The following GCNT2 variants were observed in gnomAD, a reference collection of about 807,000 sequenced individuals.
GCNT2 encodes glucosaminyl (N-acetyl) transferase 2 (I blood group), also known as N-acetyllactosaminide beta-1,6-N-acetylglucosaminyl-transferase.
A neutral mutation model predicts 34.2 loss-of-function variants in GCNT2; 34 were observed. The ratio of observed to expected loss-of-function variants is 1.00; its 90% CI spans 0.76 to 1.32. GCNT2 has a LOEUF of 1.32. Ranked by LOEUF, GCNT2 falls within the 40% of genes most tolerant of loss-of-function variation. GCNT2 has a pLI of 0.00. For missense variants in GCNT2, 584 were observed against 489.4 expected, an observed-to-expected ratio of 1.19 and a Z score of -1.82; for synonymous variants, 212 against 188.0, an observed-to-expected ratio of 1.13 and a Z score of -1.04.
intron 3 of GCNT2, among the ~76,000 whole-genome samples, chr6:10,567,329 T>C (rs2127392176): frequency 6.6e-6 from 1 of 152,222 alleles, no homozygotes; most frequent in East Asian, 1.9e-4. Flanking sequence ...TGGTGGCACA[T>C]GTCTGTGGTA....
At chr6:10,610,078 G>A (rs73721325) in intron 3 of GCNT2, among the ~76,000 whole-genome samples, 19,759 of 152,220 alleles carry the variant, frequency 0.13, 2,078 homozygotes, top group African/African-American at 0.29. Flanking sequence ...GGCAATTACA[G>A]TCTTCTTGAT....
In GCNT2 at chr6:10,529,552, A is replaced by G; in HGVS notation, c.641A>G (p.Asn214Ser). 1 of 1,614,192 alleles carries G rather than the reference A, an allele frequency of 6.2e-7. No homozygotes were observed. The highest frequency in any genetic ancestry group is 2.2e-5 in the East Asian group (1 of 44,892). The stretch of plus-strand genomic sequence containing the variant: ...TATCTGAAGGGATTTAAAGGGAAAA[A>G]TATCACCCCCGGAGTGCTGCCTCCT... Reference protein sequence around the residue: ...VQYLKGFKGKNITPGVLPPDH... With the variant: ...VQYLKGFKGKSITPGVLPPDH... The change falls in exon 3 of 5, where the codon AAT becomes AGT. Residue 214 changes from asparagine to serine, a missense_variant. Physicochemically the swap from Asn to Ser is conservative, Grantham distance 46. Transcript: ENST00000495262.
chr6:10,547,252 C>G (rs746803060), intron 3 of GCNT2, among the ~76,000 whole-genome samples: 1 of 152,176 alleles, frequency 6.6e-6, no homozygotes, highest in African/African-American at 2.4e-5. Flanking sequence ...ACACCCACCC[C>G]CATGTAACCA....
intron 3 of GCNT2, chr6:10,587,061 C>A: frequency 1.5e-6 from 1 of 677,066 alleles, no homozygotes; most frequent in Middle Eastern, 4.0e-4. Flanking sequence ...CAGTGTATTG[C>A]TGACTGTTGT....
intron 3 of GCNT2, among the ~76,000 whole-genome samples, chr6:10,570,403 A>G (rs1463620559): frequency 6.6e-6 from 1 of 152,216 alleles, no homozygotes; most frequent in Non-Finnish European, 1.5e-5. Context: ...TGTGAAATGT[A>G]TTCTCCCATA....
chr6:10,623,378 G>A (rs549988026), intron 4 of GCNT2, among the ~76,000 whole-genome samples: 7 of 150,480 alleles, frequency 4.7e-5, no homozygotes, highest in African/African-American at 1.2e-4. Context: ...TGGAACCTCC[G>A]TCTCCCGGGT....
At chr6:10,531,800 C>T (rs1761502882) in intron 3 of GCNT2, among the ~76,000 whole-genome samples, 1 of 151,590 alleles carries the variant, frequency 6.6e-6, no homozygotes. Context: ...GGTCTGGCCA[C>T]CCTACTATAC....
intron 3 of GCNT2, among the ~76,000 whole-genome samples, chr6:10,559,890 A>T (rs1389454812): frequency 6.6e-6 from 1 of 152,226 alleles, no homozygotes; most frequent in African/African-American, 2.4e-5. Flanking sequence ...AGGCCTTCAC[A>T]AATTACAAGT....
intron 3 of GCNT2, among the ~76,000 whole-genome samples, chr6:10,620,426 A>T (rs1179477647): frequency 1.4e-5 from 2 of 146,364 alleles, no homozygotes; most frequent in African/African-American, 2.6e-5. Context: ...TTTTATTTTG[A>T]GACAGGGGCC....
At chr6:10,574,075 C>T (rs188030102) in intron 3 of GCNT2, among the ~76,000 whole-genome samples, 3 of 152,206 alleles carry the variant, frequency 2.0e-5, no homozygotes, top group East Asian at 3.8e-4. Flanking sequence ...TATATACTAG[C>T]CTATTTCAAT....
At chr6:10,586,942 T>TA in intron 3 of GCNT2, 2 of 1,497,604 alleles carry the variant, frequency 1.3e-6, no homozygotes, top group South Asian at 2.3e-5. Context: ...TTCTGATTGA[T>TA]AGATTGAGTT....
Position 10,621,420 on chromosome 6 carries a change from AAGAC to A in GCNT2, c.1001_1004del (p.Arg334ThrfsTer20). ...AGAGCTATAAAGTGGAGTGACATGG[AAGAC>A]AGACACGGAGGCTGCCACGGTGAGG... is the stretch of plus-strand genomic sequence containing the variant. On this transcript the variant is annotated frameshift_variant, in exon 4 of 5. Transcript: ENST00000495262. LOFTEE classifies it high-confidence loss of function. The A allele has an allele frequency of 6.2e-7, 1 of 1,612,960 alleles. No homozygotes were observed.
intron 3 of GCNT2, among the ~76,000 whole-genome samples, chr6:10,616,486 GTGCATTTA>G (rs1482884240): frequency 2.6e-5 from 4 of 152,174 alleles, no homozygotes; most frequent in Non-Finnish European, 5.9e-5. Context: ...GAGCTGATTG[GTGCATTTA>G]CAATCCCTGA....
intron 3 of GCNT2, among the ~76,000 whole-genome samples, chr6:10,541,412 A>G (rs1379533814): frequency 1.3e-5 from 2 of 152,144 alleles, no homozygotes; most frequent in Admixed American, 6.6e-5. Context: ...CCAGTCTATC[A>G]CTGATGGGCA....
intron 3 of GCNT2, among the ~76,000 whole-genome samples, chr6:10,587,805 G>A (rs1452892063): frequency 1.3e-5 from 2 of 152,078 alleles, no homozygotes; most frequent in Non-Finnish European, 2.9e-5. Flanking sequence ...GTGTCCCCAC[G>A]TGCTTGTTTT....
chr6:10,606,871 G>A (rs1765343829), intron 3 of GCNT2, among the ~76,000 whole-genome samples: 1 of 151,778 alleles, frequency 6.6e-6, no homozygotes, highest in Non-Finnish European at 1.5e-5. Flanking sequence ...TTTATAACCA[G>A]CTCTCCTCAT....
chr6:10,524,820 A>G (rs1761109259), intron 1 of GCNT2, among the ~76,000 whole-genome samples: 1 of 151,072 alleles, frequency 6.6e-6, no homozygotes, highest in South Asian at 2.1e-4. Context: ...CAAAAGCAAA[A>G]CTCTGTCCCC....
intron 3 of GCNT2, among the ~76,000 whole-genome samples, chr6:10,530,609 G>A (rs1023439566): frequency 3.9e-5 from 6 of 152,130 alleles, no homozygotes; most frequent in Admixed American, 2.0e-4. Flanking sequence ...GGTGGCTCAC[G>A]CCTGTAATCC....
Position 10,536,101 on chromosome 6 carries a change from A to C in GCNT2, c.925+6265A>C, listed in dbSNP as rs527684626. ...GGTGCCGAGACCTTGAGAGATGCAAATTTGGGAGCAGAGAAGGGCAGATCC... is the reference window on the plus strand; with the variant it reads ...GGTGCCGAGACCTTGAGAGATGCAACTTTGGGAGCAGAGAAGGGCAGATCC... On this transcript the variant is annotated intron_variant, in intron 3 of 4. Coordinates refer to ENST00000495262, the MANE Select transcript of GCNT2 (RefSeq NM_145649.5). Among the ~76,000 whole-genome samples the C allele has an allele frequency of 8.9e-4, 135 of 152,162 alleles. 1 individual carries two copies. The highest frequency in any genetic ancestry group is 2.8e-3 in the African/African-American group (118 of 41,512).
Sources: allele counts gnomAD v4.1 joint callset (sites outside exome capture counted in the v4.1 genomes callset), GRCh38; gene constraint gnomAD v4.1.1; transcripts MANE v1.5; gene names NCBI Gene and HGNC (gene_info 2026-07-23, HGNC 2026-07-21).